The following SUCLG2 variants were observed in gnomAD, a reference collection of about 807,000 sequenced individuals.
SUCLG2 encodes the protein succinate--CoA ligase [GDP-forming] subunit beta, mitochondrial.
In SUCLG2, 42 loss-of-function variants were observed where a neutral mutation model predicts 47.9. The ratio of observed to expected loss-of-function variants is 0.88; its 90% CI spans 0.69 to 1.14. The LOEUF (loss-of-function observed/expected upper bound fraction) is 1.14, where lower values mean the gene tolerates loss of function less well. Ranked by LOEUF, SUCLG2 falls within the 50% of genes most tolerant of loss-of-function variation. The pLI is 0.00. For synonymous variants in SUCLG2, 195 were observed against 197.3 expected (o/e 0.99, Z 0.10); for missense variants, 571 against 525.9 (o/e 1.09, Z -0.84).
chr3:67,378,850 A>C (rs536174285), intron 10 of SUCLG2, among the ~76,000 whole-genome samples: 2 of 152,342 alleles, frequency 1.3e-5, no homozygotes, highest in East Asian at 3.9e-4. Flanking sequence ...AACTAATCAA[A>C]GCATGGCTTT....
chr3:67,462,654 A>C (rs990668880), intron 9 of SUCLG2, among the ~76,000 whole-genome samples: 1 of 152,192 alleles, frequency 6.6e-6, no homozygotes, highest in African/African-American at 2.4e-5. Context: ...TAAACCAGTA[A>C]GCATAAGTTA....
intron 9 of SUCLG2, among the ~76,000 whole-genome samples, chr3:67,431,530 C>G (rs1049763845): frequency 2.0e-5 from 3 of 152,078 alleles, no homozygotes; most frequent in Non-Finnish European, 4.4e-5. Context: ...AAATGTGGCA[C>G]ATATACACCA....
chr3:67,391,691 T>C (rs1702386958), intron 10 of SUCLG2, among the ~76,000 whole-genome samples: 1 of 152,098 alleles, frequency 6.6e-6, no homozygotes, highest in Admixed American at 6.5e-5. Flanking sequence ...ACACCCAGAA[T>C]ACATTGAGAA....
At chr3:67,601,403 A>G (rs911189163) in intron 2 of SUCLG2, among the ~76,000 whole-genome samples, 1 of 152,144 alleles carries the variant, frequency 6.6e-6, no homozygotes, top group African/African-American at 2.4e-5. Context: ...ATCAGAAAAG[A>G]TTTGTCTAAT....
intron 1 of SUCLG2, among the ~76,000 whole-genome samples, chr3:67,613,940 T>G (rs1700578362): frequency 6.6e-6 from 1 of 152,180 alleles, no homozygotes; most frequent in South Asian, 2.1e-4. Context: ...TTTCACGAAA[T>G]GCTGACAGAG....
At chr3:67,360,736 G>A in exon 11 of SUCLG2, 1 of 1,524,982 alleles carries the variant, frequency 6.6e-7, no homozygotes, top group Non-Finnish European at 8.8e-7. Context: ...TGTTTTATGT[G>A]CATATAACTT....
At chr3:67,484,164 G>A (rs1024965862) in intron 9 of SUCLG2, among the ~76,000 whole-genome samples, 1 of 152,136 alleles carries the variant, frequency 6.6e-6, no homozygotes, top group East Asian at 1.9e-4. Context: ...CATTGCCTCT[G>A]GCTGCTGGAT....
intron 9 of SUCLG2, among the ~76,000 whole-genome samples, chr3:67,487,076 T>C (rs1466175578): frequency 6.6e-6 from 1 of 152,080 alleles, no homozygotes; most frequent in African/African-American, 2.4e-5. Context: ...CCTCCAACAC[T>C]CTAAAAGCAT....
rs540719147 is a variant in SUCLG2, at chr3:67,496,048, G to A, written c.920-108C>T. 5.2e-6 allele frequency: 7 copies of A among 1,347,178 alleles called. No individual in the cohort carries two copies. In the South Asian group the frequency reaches 6.7e-5, roughly 13 times the overall value. 83.5% of individuals were successfully genotyped at this position (1,347,178 alleles called of 1,614,324 possible). ...CCAAGAGAGAACTCTGTCATTGCCA[G>A]GCCAATTTATATCCTGTTTGGAATT... On this transcript the variant is annotated intron_variant, in intron 8 of 10. Coordinates refer to ENST00000307227, the MANE Select transcript of SUCLG2 (RefSeq NM_003848.4).
chr3:67,483,897 G>A (rs1575727384), intron 9 of SUCLG2, among the ~76,000 whole-genome samples: 1 of 152,138 alleles, frequency 6.6e-6, no homozygotes, highest in Non-Finnish European at 1.5e-5. Flanking sequence ...TGAGTTCCTG[G>A]CTTAGTTATC....
intron 2 of SUCLG2, among the ~76,000 whole-genome samples, chr3:67,546,108 G>C (rs1706856557): frequency 6.6e-6 from 1 of 152,152 alleles, no homozygotes; most frequent in African/African-American, 2.4e-5. Context: ...TGCCTGGCTT[G>C]AGCTAGAATT....
chr3:67,371,664 T>C (rs1251146453), downstream of SUCLG2, among the ~76,000 whole-genome samples: 2 of 152,176 alleles, frequency 1.3e-5, no homozygotes, highest in Non-Finnish European at 1.5e-5. Context: ...AAGTATGAGA[T>C]ACACAGGGCA....
At chr3:67,420,079 C>A (rs1703121164) in intron 9 of SUCLG2, among the ~76,000 whole-genome samples, 1 of 152,164 alleles carries the variant, frequency 6.6e-6, no homozygotes, top group Admixed American at 6.5e-5. Flanking sequence ...TATGGTTACA[C>A]AGAAACCAAC....
At chr3:67,518,968 T>C (rs901553125) in intron 5 of SUCLG2, among the ~76,000 whole-genome samples, 2 of 152,094 alleles carry the variant, frequency 1.3e-5, no homozygotes, top group African/African-American at 4.8e-5. Flanking sequence ...TATATAATAT[T>C]AGTGAAAATA....
At chr3:67,572,991 A>C (rs1707655621) in intron 2 of SUCLG2, among the ~76,000 whole-genome samples, 1 of 152,246 alleles carries the variant, frequency 6.6e-6, no homozygotes. Context: ...ACAAAATAAA[A>C]GATACAAAGA....
At chr3:67,382,903 C>T (rs1702188798) in intron 10 of SUCLG2, among the ~76,000 whole-genome samples, 1 of 152,202 alleles carries the variant, frequency 6.6e-6, no homozygotes, top group Non-Finnish European at 1.5e-5. Context: ...ATGTCCACTG[C>T]TCCTGTACCC....
At chr3:67,379,557 C>G (rs1702108656) in intron 10 of SUCLG2, among the ~76,000 whole-genome samples, 1 of 152,166 alleles carries the variant, frequency 6.6e-6, no homozygotes, top group Non-Finnish European at 1.5e-5. Flanking sequence ...TCCTTGCAAC[C>G]AAGTAATCTA....
chr3:67,630,391 G>C (rs1700904767), intron 1 of SUCLG2, among the ~76,000 whole-genome samples: 1 of 152,178 alleles, frequency 6.6e-6, no homozygotes, highest in South Asian at 2.1e-4. Context: ...AGAATGCAAT[G>C]AATTTCCTTT....
intron 6 of SUCLG2, among the ~76,000 whole-genome samples, chr3:67,511,174 C>T (rs1559552970): frequency 6.6e-6 from 1 of 152,178 alleles, no homozygotes; most frequent in Non-Finnish European, 1.5e-5. Flanking sequence ...AGGCATGAGC[C>T]ACTGCGCCCG....
Sources: gnomAD v4.1 joint callset for allele counts (sites outside exome capture counted in the v4.1 genomes callset) on GRCh38, gnomAD v4.1.1 for gene constraint, MANE v1.5 for transcripts, NCBI Gene and HGNC (gene_info 2026-07-23, HGNC 2026-07-21) for gene names.